The following FRMD5 variants were observed in gnomAD, a reference collection of about 807,000 sequenced individuals.
The protein encoded by FRMD5 is FERM domain-containing protein 5.
In FRMD5, 20 loss-of-function variants were observed where a neutral mutation model predicts 69.0. The observed-to-expected ratio is 0.29, with a 90% CI of 0.20 to 0.42. FRMD5 has a LOEUF of 0.42. Among genes scored for constraint, FRMD5 ranks in the 10% least tolerant of loss-of-function variants. The probability of loss-of-function intolerance (pLI) is 1.00; values close to 1 mark genes in which losing one functional copy is unlikely to be tolerated. For synonymous variants in FRMD5, 271 were observed against 260.1 expected (o/e 1.04, Z -0.40); for missense variants, 595 against 708.6 (o/e 0.84, Z 1.82).
intron 1 of FRMD5, among the ~76,000 whole-genome samples, chr15:44,032,293 C>A (rs1286366335): frequency 6.6e-6 from 1 of 152,072 alleles, no homozygotes; most frequent in Non-Finnish European, 1.5e-5. Flanking sequence ...TAGGAACAAG[C>A]AAAGATTTCA....
At chr15:44,105,855 T>C (rs1396253563) in intron 1 of FRMD5, among the ~76,000 whole-genome samples, 7 of 152,196 alleles carry the variant, frequency 4.6e-5, no homozygotes, top group African/African-American at 1.7e-4. Context: ...TTAAGCTCAC[T>C]ACAGTTGCCC....
intron 1 of FRMD5, chr15:44,194,367 G>C (rs916123281): frequency 1.3e-5 from 2 of 155,476 alleles, no homozygotes; most frequent in Non-Finnish European, 2.8e-5. Context: ...CAAAAGGCGG[G>C]AGGGGGCCTA....
At chr15:44,172,668 A>T (rs2077825361) in intron 1 of FRMD5, among the ~76,000 whole-genome samples, 1 of 152,206 alleles carries the variant, frequency 6.6e-6, no homozygotes, top group Non-Finnish European at 1.5e-5. Flanking sequence ...CCCAAGAATG[A>T]AACAGTACTT....
At chr15:44,035,333 A>G (rs893816469) in intron 1 of FRMD5, among the ~76,000 whole-genome samples, 1 of 152,230 alleles carries the variant, frequency 6.6e-6, no homozygotes, top group Non-Finnish European at 1.5e-5. Context: ...CAGGTTGTAT[A>G]CCACTTAGGT....
intron 4 of FRMD5, 95 bp downstream of exon 4, chr15:43,919,364 G>C: frequency 9.9e-7 from 1 of 1,014,738 alleles, no homozygotes; most frequent in African/African-American, 1.6e-5. Context: ...CTAAGAGTTA[G>C]GCGCTTCCAA....
intron 7 of FRMD5, among the ~76,000 whole-genome samples, chr15:43,897,897 A>G (rs1254647259): frequency 1.3e-5 from 2 of 151,984 alleles, no homozygotes; most frequent in African/African-American, 2.4e-5. Flanking sequence ...CTGATGGTTT[A>G]AAAGTATGGC....
At chr15:43,945,102 A>G (rs1846454949) in intron 1 of FRMD5, among the ~76,000 whole-genome samples, 1 of 152,026 alleles carries the variant, frequency 6.6e-6, no homozygotes, top group Admixed American at 6.6e-5. Context: ...CTATGAGTTT[A>G]TATGACACCA....
intron 1 of FRMD5, among the ~76,000 whole-genome samples, chr15:44,023,967 T>C (rs1447362502): frequency 1.3e-5 from 2 of 152,128 alleles, no homozygotes; most frequent in African/African-American, 2.4e-5. Context: ...TGCAAGGTTG[T>C]TGGATGTGAA....
intron 1 of FRMD5, among the ~76,000 whole-genome samples, chr15:44,178,272 C>T (rs760116172): frequency 1.8e-4 from 27 of 152,112 alleles, no homozygotes; most frequent in Admixed American, 5.9e-4. Flanking sequence ...TTGCAGCGAG[C>T]GGAGATCACA....
intron 1 of FRMD5, among the ~76,000 whole-genome samples, chr15:44,108,964 TA>T (rs554613257): frequency 1.2e-5 from 1 of 85,108 alleles, no homozygotes; most frequent in African/African-American, 5.3e-5. Context: ...TCTCTCTAAA[TA>T]AAAATAAAAT....
chr15:44,112,549 C>A (rs573106979), intron 1 of FRMD5, among the ~76,000 whole-genome samples: 1 of 151,862 alleles, frequency 6.6e-6, no homozygotes, highest in Non-Finnish European at 1.5e-5. Flanking sequence ...TCACTGCAAG[C>A]TCCACCTCCC....
chr15:43,884,456 G>A (rs1037167539), intron 12 of FRMD5, among the ~76,000 whole-genome samples: 32 of 152,340 alleles, frequency 2.1e-4, no homozygotes, highest in African/African-American at 7.2e-4. Context: ...TATGATCAGT[G>A]TCAAGACTAG....
upstream of FRMD5, among the ~76,000 whole-genome samples, chr15:44,195,526 C>T (rs939636998): frequency 6.6e-6 from 1 of 152,228 alleles, no homozygotes; most frequent in Admixed American, 6.5e-5. Flanking sequence ...TGTTTCCCCT[C>T]CCCCGGGCCA....
chr15:44,120,664 A>G (rs991614782), intron 1 of FRMD5, among the ~76,000 whole-genome samples: 5 of 150,426 alleles, frequency 3.3e-5, no homozygotes, highest in Admixed American at 6.7e-5. Context: ...CTGGGACTAC[A>G]GGCGCCTGCC....
In FRMD5 at chr15:44,005,276, T is replaced by A. The variant is rs766266459; in HGVS notation, c.103-80967A>T. On this transcript the variant is annotated intron_variant, in intron 1 of 13. Transcript: ENST00000417257. ...CAGGCAGATCATCTGAAGTCAGGAGTTCGAGACCAGCCTGGCCAACATGGT... is the reference window on the plus strand; with the variant it reads ...CAGGCAGATCATCTGAAGTCAGGAGATCGAGACCAGCCTGGCCAACATGGT... 2.6e-5 allele frequency among the ~76,000 whole-genome samples: 4 copies of A among 151,018 alleles called. No homozygotes were observed. In the South Asian group the frequency reaches 8.3e-4, roughly 31 times the overall value.
At chr15:44,062,779 A>G (rs904527229) in intron 1 of FRMD5, among the ~76,000 whole-genome samples, 1 of 152,074 alleles carries the variant, frequency 6.6e-6, no homozygotes, top group African/African-American at 2.4e-5. Context: ...GGTATCCTCA[A>G]TGGGTCCTGG....
intron 1 of FRMD5, among the ~76,000 whole-genome samples, chr15:44,044,220 G>C (rs1892330501): frequency 6.6e-6 from 1 of 152,184 alleles, no homozygotes; most frequent in South Asian, 2.1e-4. Flanking sequence ...ACCACAATGA[G>C]ATACCATCTC....
intron 1 of FRMD5, among the ~76,000 whole-genome samples, chr15:43,925,865 T>C (rs892915705): frequency 1.3e-5 from 2 of 152,246 alleles, no homozygotes; most frequent in South Asian, 2.1e-4. Flanking sequence ...CAGAGAGGCC[T>C]TTCCCTATAG....
At chr15:43,879,898 C>G in intron 13 of FRMD5, 2 of 368,296 alleles carry the variant, frequency 5.4e-6, no homozygotes, top group East Asian at 7.9e-5. Context: ...GAAGGAGCAG[C>G]TCTGAGAGGC....
Sources: gnomAD v4.1 joint callset for allele counts (sites outside exome capture counted in the v4.1 genomes callset) on GRCh38, gnomAD v4.1.1 for gene constraint, MANE v1.5 for transcripts, NCBI Gene and HGNC (gene_info 2026-07-23, HGNC 2026-07-21) for gene names.